Variants in ADRA1B observed in about 807,000 individuals in gnomAD.
The protein encoded by ADRA1B is alpha-1B adrenergic receptor.
In ADRA1B, 17 loss-of-function variants were observed where a neutral mutation model predicts 17.9. That is an observed-to-expected ratio of 0.95 (90% CI 0.65 to 1.42). The LOEUF (loss-of-function observed/expected upper bound fraction) is 1.42, where lower values mean the gene tolerates loss of function less well. Among genes scored for constraint, ADRA1B ranks in the 40% most tolerant of loss-of-function variants. ADRA1B has a pLI of 0.00. For synonymous variants in ADRA1B, 366 were observed against 327.6 expected, an observed-to-expected ratio of 1.12 and a Z score of -1.27; for missense variants, 681 against 722.1, an observed-to-expected ratio of 0.94 and a Z score of 0.65.
At chr5:159,906,411 G>A (rs1754161472) in intron 1 of ADRA1B, among the ~76,000 whole-genome samples, 1 of 152,196 alleles carries the variant, frequency 6.6e-6, no homozygotes, top group Non-Finnish European at 1.5e-5. Flanking sequence ...TGGATCATCT[G>A]TAAAAGTGGG....
chr5:159,951,456 C>A, intron 1 of ADRA1B: 2 of 733,700 alleles, frequency 2.7e-6, no homozygotes, highest in Non-Finnish European at 5.0e-6. Flanking sequence ...AGCAGGTGCC[C>A]AATACATCCA....
the ADRA1B span, among the ~76,000 whole-genome samples, chr5:159,985,678 T>A: frequency 5.9e-5 from 9 of 152,218 alleles, no homozygotes; most frequent in African/African-American, 2.2e-4. Flanking sequence ...TAGAGCTATT[T>A]ACCAGCACAC....
At chr5:159,912,763 G>C (rs1019919), upstream of ADRA1B, among the ~76,000 whole-genome samples, 40,976 of 152,116 alleles carry the variant, frequency 0.27, 5,965 homozygotes, top group East Asian at 0.62. Flanking sequence ...GAATTCCTCC[G>C]TTGCATTGTT....
intron 1 of ADRA1B, among the ~76,000 whole-genome samples, chr5:159,895,793 C>A (rs1488377175): frequency 6.6e-6 from 1 of 152,254 alleles, no homozygotes; most frequent in South Asian, 2.1e-4. Context: ...ATACACCAAG[C>A]TGTGAGCTCC....
chr5:159,960,100 G>T (rs1470678501), intron 1 of ADRA1B, among the ~76,000 whole-genome samples: 1 of 152,174 alleles, frequency 6.6e-6, no homozygotes, highest in African/African-American at 2.4e-5. Context: ...TAATAGGTCG[G>T]GTGTGTAAGT....
chr5:159,897,106 A>G (rs929119794), intron 1 of ADRA1B, among the ~76,000 whole-genome samples: 1 of 152,204 alleles, frequency 6.6e-6, no homozygotes, highest in African/African-American at 2.4e-5. Context: ...GAGATGACAG[A>G]GCTGGGAGGA....
downstream of ADRA1B, among the ~76,000 whole-genome samples, chr5:159,975,036 T>G (rs1755950904): frequency 6.6e-6 from 1 of 152,212 alleles, no homozygotes; most frequent in Non-Finnish European, 1.5e-5. Context: ...AGAGCAGTCC[T>G]CTTCTTGCCT....
chr5:159,885,062 C>T (rs1261514377), intron 1 of ADRA1B, among the ~76,000 whole-genome samples: 1 of 152,162 alleles, frequency 6.6e-6, no homozygotes, highest in African/African-American at 2.4e-5. Flanking sequence ...TACATTTCAG[C>T]TGCCCTCTCA....
chr5:159,897,134 C>A (rs887837661), intron 1 of ADRA1B, among the ~76,000 whole-genome samples: 1 of 152,176 alleles, frequency 6.6e-6, no homozygotes, highest in Non-Finnish European at 1.5e-5. Context: ...GCTTTTTAAA[C>A]CCCAGCAACT....
chr5:159,907,032 G>A (rs749300151), intron 1 of ADRA1B, among the ~76,000 whole-genome samples: 6 of 152,188 alleles, frequency 3.9e-5, no homozygotes, highest in Non-Finnish European at 1.5e-5. Flanking sequence ...AGCCTCCAGT[G>A]AGATGATTTA....
Position 159,972,540 on chromosome 5 carries a change from G to A in ADRA1B, c.*48G>A, listed in dbSNP as rs918204083. On this transcript the variant is annotated 3_prime_UTR_variant, in exon 2 of 2. Coordinates refer to ENST00000306675, the MANE Select transcript of ADRA1B (RefSeq NM_000679.4). ...TCCCTGGGGAGGAAAACATCGTGGG[G>A]GGGAGGGGAGGGCGGGGCGGAGGGG... 207 of 986,366 alleles carry A rather than the reference G, an allele frequency of 2.1e-4. 1 individual carries two copies. In the East Asian group the frequency reaches 7.0e-3, roughly 34 times the overall value. 61.1% of individuals were successfully genotyped at this position (986,366 alleles called of 1,614,324 possible). A position where few individuals can be genotyped will look rare whatever the true frequency, so the allele number is the denominator to read the frequency against.
the ADRA1B span, among the ~76,000 whole-genome samples, chr5:159,982,007 AGGT>A: frequency 6.6e-6 from 1 of 152,252 alleles, no homozygotes; most frequent in East Asian, 1.9e-4. Flanking sequence ...AAGTTACATA[AGGT>A]GATTCTGTTT....
intron 1 of ADRA1B, among the ~76,000 whole-genome samples, chr5:159,956,413 G>A (rs974386988): frequency 6.6e-6 from 1 of 152,060 alleles, no homozygotes; most frequent in African/African-American, 2.4e-5. Context: ...CACACACACA[G>A]AGGTTTTTTT....
chr5:159,882,331 G>T (rs1753872681), intron 1 of ADRA1B, among the ~76,000 whole-genome samples: 2 of 152,180 alleles, frequency 1.3e-5, no homozygotes, highest in African/African-American at 4.8e-5. Flanking sequence ...TCCTTCCTGA[G>T]TAGACAGGAT....
intron 1 of ADRA1B, among the ~76,000 whole-genome samples, chr5:159,883,400 CA>C (rs1753884645): frequency 6.6e-6 from 1 of 152,106 alleles, no homozygotes; most frequent in Non-Finnish European, 1.5e-5. Flanking sequence ...GTGTTGAATC[CA>C]AAATTACCCC....
intron 1 of ADRA1B, among the ~76,000 whole-genome samples, chr5:159,875,562 T>C (rs1277118162): frequency 6.6e-6 from 1 of 152,190 alleles, no homozygotes; most frequent in Non-Finnish European, 1.5e-5. Context: ...GAGAGTCCAC[T>C]AAAACTCCAG....
chr5:159,970,754 G>A (rs898190057), intron 1 of ADRA1B, among the ~76,000 whole-genome samples: 2 of 152,196 alleles, frequency 1.3e-5, no homozygotes, highest in African/African-American at 4.8e-5. Context: ...GAACTATGCA[G>A]CTTCCTAATT....
At chr5:159,930,995 AT>A (rs1754788062) in intron 1 of ADRA1B, among the ~76,000 whole-genome samples, 1 of 147,460 alleles carries the variant, frequency 6.8e-6, no homozygotes, top group South Asian at 2.1e-4. Context: ...TATAATATAT[AT>A]ATTTTATAAT....
At chr5:159,965,630 A>AC (rs921659502) in intron 1 of ADRA1B, among the ~76,000 whole-genome samples, 6 of 151,798 alleles carry the variant, frequency 4.0e-5, no homozygotes, top group African/African-American at 1.2e-4. Flanking sequence ...AGCAAACGGG[A>AC]CCCCCCTAAT....
Sources: allele counts gnomAD v4.1 joint callset (sites outside exome capture counted in the v4.1 genomes callset), GRCh38; gene constraint gnomAD v4.1.1; transcripts MANE v1.5; gene names NCBI Gene and HGNC (gene_info 2026-07-23, HGNC 2026-07-21).